Variants in TAFA2 observed in about 807,000 individuals in gnomAD.
The protein encoded by TAFA2 is chemokine-like protein TAFA-2.
In TAFA2, 7 loss-of-function variants were observed where a neutral mutation model predicts 18.8. The observed-to-expected ratio is 0.37, with a 90% CI of 0.21 to 0.70. The LOEUF is 0.70. Ranked by LOEUF, TAFA2 falls within the 30% of genes least tolerant of loss-of-function variation. TAFA2 has a pLI of 0.53. For synonymous variants in TAFA2, 60 were observed against 54.2 expected (o/e 1.11, Z -0.47); for missense variants, 122 against 158.1 (o/e 0.77, Z 1.23).
intron 1 of TAFA2, among the ~76,000 whole-genome samples, chr12:62,177,931 A>G (rs1592384735): frequency 6.6e-6 from 1 of 151,360 alleles, no homozygotes; most frequent in African/African-American, 2.4e-5. Flanking sequence ...CTGGCTTCCT[A>G]CTCTCCCCTC....
chr12:61,837,748 G>C (rs947498151), intron 2 of TAFA2, among the ~76,000 whole-genome samples: 31 of 151,980 alleles, frequency 2.0e-4, no homozygotes, highest in Admixed American at 3.9e-4. Flanking sequence ...AGCAGGGGGT[G>C]GGGTAGGAGT....
intron 1 of TAFA2, among the ~76,000 whole-genome samples, chr12:62,081,811 A>T (rs149551988): frequency 0.013 from 1,920 of 152,142 alleles, 55 homozygotes; most frequent in African/African-American, 0.044. Flanking sequence ...TAAGTTCAGG[A>T]GTACATGTGC....
At chr12:62,213,228 T>A (rs2062721116) in intron 1 of TAFA2, among the ~76,000 whole-genome samples, 1 of 152,234 alleles carries the variant, frequency 6.6e-6, no homozygotes, top group East Asian at 1.9e-4. Flanking sequence ...GTTAAAGCCA[T>A]GCTTCAGAAT....
In TAFA2 at chr12:62,132,002, C is replaced by T. The variant is rs1338082647; in HGVS notation, c.-2+59257G>A. Among the ~76,000 whole-genome samples, 5 of 147,994 alleles carry T rather than the reference C, an allele frequency of 3.4e-5. No individual in the cohort carries two copies. In the East Asian group the frequency reaches 7.9e-4, roughly 23 times the overall value. ...TTCAAAGCATGCATTTAGTACACAG[C>T]ACAAAAATAGGAAATGGTATGTTAA... On this transcript the variant is annotated intron_variant, in intron 1 of 4. Transcript: ENST00000416284.
At chr12:61,954,553 A>G (rs1364141045) in intron 1 of TAFA2, among the ~76,000 whole-genome samples, 3 of 152,158 alleles carry the variant, frequency 2.0e-5, no homozygotes, top group Non-Finnish European at 4.4e-5. Flanking sequence ...ACACACACAC[A>G]CACACAAAAT....
chr12:61,931,189 A>G (rs573044833), intron 1 of TAFA2, among the ~76,000 whole-genome samples: 2 of 152,266 alleles, frequency 1.3e-5, no homozygotes, highest in African/African-American at 4.8e-5. Flanking sequence ...TTTCAATTTT[A>G]GGATTATTGG....
intron 1 of TAFA2, among the ~76,000 whole-genome samples, chr12:62,050,379 G>A (rs1882019445): frequency 1.3e-5 from 2 of 151,990 alleles, no homozygotes; most frequent in African/African-American, 4.8e-5. Context: ...GACCATCCTG[G>A]CTAACACGGT....
chr12:61,963,360 G>A (rs546530899), intron 1 of TAFA2, among the ~76,000 whole-genome samples: 34 of 151,922 alleles, frequency 2.2e-4, no homozygotes, highest in African/African-American at 7.7e-4. Flanking sequence ...ATCATCTGTC[G>A]TTTCCTGACT....
At chr12:61,798,899 G>A (rs914590271) in intron 2 of TAFA2, among the ~76,000 whole-genome samples, 3 of 152,182 alleles carry the variant, frequency 2.0e-5, no homozygotes, top group African/African-American at 7.2e-5. Context: ...ATCTTTCAGA[G>A]GAAACACTAA....
intron 1 of TAFA2, among the ~76,000 whole-genome samples, chr12:61,882,156 C>A (rs1320994778): frequency 2.0e-5 from 3 of 152,130 alleles, no homozygotes; most frequent in Admixed American, 6.5e-5. Flanking sequence ...GAGGCTAAAA[C>A]ACAGGCTAAA....
chr12:62,017,074 C>T (rs1207771616), intron 1 of TAFA2, among the ~76,000 whole-genome samples: 1 of 152,152 alleles, frequency 6.6e-6, no homozygotes. Context: ...TAATCCACCC[C>T]AGCTAATCTT....
chr12:61,827,304 C>T (rs867582778), intron 2 of TAFA2: 28 of 152,112 alleles, frequency 1.8e-4, no homozygotes, highest in Non-Finnish European at 2.8e-4. Context: ...AAGCAATAAC[C>T]TTCTGTCTTG....
At chr12:61,877,899 ATT>A (rs66981623) in intron 1 of TAFA2, among the ~76,000 whole-genome samples, 101,921 of 146,284 alleles carry the variant, frequency 0.7, 35,811 homozygotes, top group East Asian at 0.78. Flanking sequence ...ACAAATTGTG[ATT>A]TTTATATATA....
chr12:62,238,069 G>A (rs1051840515), intron 1 of TAFA2, among the ~76,000 whole-genome samples: 1 of 152,162 alleles, frequency 6.6e-6, no homozygotes, highest in Non-Finnish European at 1.5e-5. Context: ...TGCTTCCCAT[G>A]AAATAAAGCA....
intron 1 of TAFA2, among the ~76,000 whole-genome samples, chr12:62,154,416 G>A (rs1313578064): frequency 1.3e-5 from 2 of 152,092 alleles, no homozygotes; most frequent in African/African-American, 2.4e-5. Context: ...TGCTACCCCT[G>A]ATAACAAGGG....
intron 1 of TAFA2, among the ~76,000 whole-genome samples, chr12:62,245,998 T>C (rs926765313): frequency 2.0e-5 from 3 of 150,712 alleles, no homozygotes; most frequent in Non-Finnish European, 4.4e-5. Flanking sequence ...TCCTTTTTTT[T>C]TTTTTTGAGA....
chr12:62,014,235 C>T (rs1363200831), intron 1 of TAFA2, among the ~76,000 whole-genome samples: 2 of 152,192 alleles, frequency 1.3e-5, no homozygotes, highest in African/African-American at 4.8e-5. Flanking sequence ...AGTGGACCAA[C>T]TTTGGCAGCA....
rs979867982 is a variant in TAFA2, at chr12:62,072,178, T to C, written c.-2+119081A>G. Among the ~76,000 whole-genome samples, 3 of 152,082 alleles carry C rather than the reference T, an allele frequency of 2.0e-5. No individual in the cohort carries two copies. In the East Asian group the frequency reaches 5.8e-4, roughly 29 times the overall value. ...GCACCTTTTGTGTTAAAATAATCCA[T>C]TCCTGGCCGGGCGCGGTGGCTCACG... On this transcript the variant is annotated intron_variant, in intron 1 of 4. Transcript: ENST00000416284.
chr12:61,927,920 C>T (rs914183710), intron 1 of TAFA2, among the ~76,000 whole-genome samples: 1 of 152,204 alleles, frequency 6.6e-6, no homozygotes, highest in Non-Finnish European at 1.5e-5. Flanking sequence ...AAAGCATTCC[C>T]TATTTAATAA....
Sources: allele counts gnomAD v4.1 joint callset (sites outside exome capture counted in the v4.1 genomes callset), GRCh38; gene constraint gnomAD v4.1.1; transcripts MANE v1.5; gene names NCBI Gene and HGNC (gene_info 2026-07-23, HGNC 2026-07-21).